Variants in AFF3 observed in about 807,000 individuals in gnomAD.
AFF3 encodes the protein AF4/FMR2 family member 3.
Under a neutral mutation model 129.7 loss-of-function variants are expected in AFF3, and 32 were observed. That is an observed-to-expected ratio of 0.25 (90% CI 0.19 to 0.33). The LOEUF (loss-of-function observed/expected upper bound fraction) is 0.33. Among genes scored for constraint, AFF3 ranks in the 10% least tolerant of loss-of-function variants. The pLI, the probability that AFF3 is intolerant of heterozygous loss-of-function variation, is 1.00. For missense variants in AFF3, 1,373 were observed against 1,592.0 expected (o/e 0.86, Z 2.34); for synonymous variants, 644 against 635.4 (o/e 1.01, Z -0.20).
intron 4 of AFF3, among the ~76,000 whole-genome samples, chr2:100,056,061 T>TCACACA (rs760665941): frequency 0.019 from 2,594 of 133,428 alleles, 68 homozygotes; most frequent in African/African-American, 0.053. Context: ...GCTGTCTCTC[T>TCACACA]CTCACACACA....
intron 15 of AFF3, among the ~76,000 whole-genome samples, chr2:99,591,338 C>T (rs1198905630): frequency 3.3e-5 from 5 of 152,014 alleles, no homozygotes; most frequent in African/African-American, 1.2e-4. Flanking sequence ...AGGTGTGCAC[C>T]ATCATGTCTG....
chr2:99,935,962 G>A (rs1016863562), intron 7 of AFF3, among the ~76,000 whole-genome samples: 10 of 152,152 alleles, frequency 6.6e-5, no homozygotes, highest in Non-Finnish European at 1.2e-4. Context: ...CCGGTTACTC[G>A]TCCTCAGTTA....
intron 8 of AFF3, among the ~76,000 whole-genome samples, chr2:99,834,895 C>T (rs72819118): frequency 0.06 from 9,139 of 152,194 alleles, 387 homozygotes; most frequent in Non-Finnish European, 0.094. Context: ...GTGTTATTAC[C>T]AATGGCATGC....
intron 7 of AFF3, among the ~76,000 whole-genome samples, chr2:99,929,678 A>G (rs72953772): frequency 0.012 from 1,808 of 152,280 alleles, 30 homozygotes; most frequent in African/African-American, 0.04. Context: ...CCTTCACTTG[A>G]TTTAGACTCC....
At chr2:100,033,575 G>A (rs1349875018) in intron 4 of AFF3, among the ~76,000 whole-genome samples, 2 of 151,906 alleles carry the variant, frequency 1.3e-5, no homozygotes, top group Admixed American at 6.5e-5. Flanking sequence ...GTACCTAATT[G>A]TAACTTAACA....
chr2:100,008,908 T>A lies in AFF3; in HGVS notation c.78A>T (p.Ala26=), dbSNP rs1382713208. Residue 26 remains alanine, a synonymous_variant, in exon 5 of 25, where the codon GCA becomes GCT. Coordinates refer to ENST00000672756, the MANE Select transcript of AFF3 (RefSeq NM_001386135.1). ...TTCTTTCTCGTTCTTTCCTCCGTAA[T>A]GCATTTCTATCTGGTTCATAGACAC... ...SLCVYEPDRN[A]LRRKERERRN... 1 of 1,614,026 alleles carries A rather than the reference T, an allele frequency of 6.2e-7. No individual in the cohort carries two copies.
chr2:99,860,826 TCACA>T (rs1690933434), intron 7 of AFF3, among the ~76,000 whole-genome samples: 1 of 152,130 alleles, frequency 6.6e-6, no homozygotes, highest in Non-Finnish European at 1.5e-5. Context: ...GTAAAGATGA[TCACA>T]ATAAAATTAA....
At chr2:100,033,579 CTT>C (rs1253696465) in intron 4 of AFF3, among the ~76,000 whole-genome samples, 2 of 152,088 alleles carry the variant, frequency 1.3e-5, no homozygotes, top group Non-Finnish European at 2.9e-5. Context: ...CTAATTGTAA[CTT>C]AACATTTTAA....
At chr2:100,082,956 T>C (rs1300496943) in intron 4 of AFF3, among the ~76,000 whole-genome samples, 2 of 152,230 alleles carry the variant, frequency 1.3e-5, no homozygotes, top group African/African-American at 4.8e-5. Context: ...GATGCATCCC[T>C]GTAATCCCAG....
In AFF3 at chr2:99,697,361, G is replaced by T. The variant is rs141831715; in HGVS notation, c.1092-24772C>A. Among the ~76,000 whole-genome samples, 945 of 152,300 alleles carry T rather than the reference G, an allele frequency of 6.2e-3. 7 individuals carry two copies. The highest frequency in any genetic ancestry group is 0.01 in the Non-Finnish European group (711 of 68,026). ...TGTCCTGGGTGTGGGAGATTGGGAGGGTGTGTATGTATGGTTGAGATTGTA... is the reference window on the plus strand; with the variant it reads ...TGTCCTGGGTGTGGGAGATTGGGAGTGTGTGTATGTATGGTTGAGATTGTA... On this transcript the variant is annotated intron_variant, in intron 11 of 24. Transcript: ENST00000672756.
intron 4 of AFF3, among the ~76,000 whole-genome samples, chr2:100,027,715 AGTAT>A (rs1345143862): frequency 3.9e-5 from 6 of 152,172 alleles, no homozygotes; most frequent in African/African-American, 2.4e-5. Flanking sequence ...TTCCCAAGTA[AGTAT>A]GTAATAAAAT....
At chr2:99,802,166 C>T (rs1334958071) in intron 8 of AFF3, among the ~76,000 whole-genome samples, 1 of 152,186 alleles carries the variant, frequency 6.6e-6, no homozygotes, top group East Asian at 1.9e-4. Context: ...GTCATTTTAA[C>T]TAAAAACACA....
At chr2:99,567,134 A>ATTTTTTT (rs35594854) in intron 19 of AFF3, among the ~76,000 whole-genome samples, 1 of 130,026 alleles carries the variant, frequency 7.7e-6, no homozygotes, top group Non-Finnish European at 1.6e-5. Context: ...CACCTGGCTC[A>ATTTTTTT]TTTTTTTTTT....
chr2:99,934,749 T>C (rs765704246), intron 7 of AFF3, among the ~76,000 whole-genome samples: 2 of 152,184 alleles, frequency 1.3e-5, no homozygotes, highest in South Asian at 2.1e-4. Flanking sequence ...GACCGTCTTC[T>C]ATTAGTGCCT....
chr2:99,889,124 A>T (rs899280803), intron 7 of AFF3, among the ~76,000 whole-genome samples: 11 of 152,236 alleles, frequency 7.2e-5, no homozygotes, highest in African/African-American at 2.6e-4. Context: ...TATATTCTAG[A>T]CAGATTTTTT....
chr2:99,929,759 T>C (rs1480990516), intron 7 of AFF3, among the ~76,000 whole-genome samples: 1 of 152,104 alleles, frequency 6.6e-6, no homozygotes, highest in Non-Finnish European at 1.5e-5. Flanking sequence ...GTACAGCATT[T>C]TACAACCAAA....
In AFF3 at chr2:99,545,495, T is replaced by G. The variant is rs1272065525; in HGVS notation, c.*5979A>C. ...CATTGGTGCTATGTTATATCATGTC[T>G]AGATCCAAGTATTTCTGGATGAGCT... On this transcript the variant is annotated 3_prime_UTR_variant, in exon 25 of 25. Coordinates refer to ENST00000672756, the MANE Select transcript of AFF3 (RefSeq NM_001386135.1). 1 of 152,218 alleles carries G rather than the reference T, an allele frequency of 6.6e-6. No homozygotes were observed. The highest frequency in any genetic ancestry group is 1.5e-5 in the Non-Finnish European group (1 of 68,042). 9.4% of individuals were successfully genotyped at this position (152,218 alleles called of 1,614,324 possible).
intron 2 of AFF3, chr2:100,107,522 C>T: frequency 2.0e-6 from 2 of 985,042 alleles, no homozygotes; most frequent in African/African-American, 3.5e-5. Context: ...TATGAAGCTG[C>T]CTTAGCTTTT....
chr2:99,871,700 T>C (rs970283738), intron 7 of AFF3, among the ~76,000 whole-genome samples: 26 of 152,266 alleles, frequency 1.7e-4, no homozygotes, highest in Admixed American at 1.4e-3. Flanking sequence ...CATTAAAATC[T>C]ACTGGTCTTA....
Sources: gnomAD v4.1 joint callset for allele counts (sites outside exome capture counted in the v4.1 genomes callset) on GRCh38, gnomAD v4.1.1 for gene constraint, MANE v1.5 for transcripts, NCBI Gene and HGNC (gene_info 2026-07-23, HGNC 2026-07-21) for gene names.